The following RIGI variants were observed in gnomAD, a reference collection of about 807,000 sequenced individuals.
The protein encoded by RIGI is RNA sensor RIG-I.
At chr9:32,504,952 ATAT>A in the RIGI span, among the ~76,000 whole-genome samples, 3 of 50,072 alleles carry the variant, frequency 6.0e-5, no homozygotes, top group African/African-American at 1.1e-4. Context: ...TTAAACATAT[ATAT>A]TATATATTTA....
chr9:32,493,515 T>A, the RIGI span, among the ~76,000 whole-genome samples: 6 of 93,002 alleles, frequency 6.5e-5, no homozygotes, highest in Admixed American at 5.6e-4. Context: ...TCCCAGCTAC[T>A]CGAGAGGCGA....
the RIGI span, among the ~76,000 whole-genome samples, chr9:32,507,180 G>A: frequency 6.6e-6 from 1 of 152,092 alleles, no homozygotes; most frequent in African/African-American, 2.4e-5. Context: ...AGGAAACTGA[G>A]GCATACGAGA....
At chr9:32,476,391 G>A in the RIGI span, among the ~76,000 whole-genome samples, 1 of 152,054 alleles carries the variant, frequency 6.6e-6, no homozygotes, top group South Asian at 2.1e-4. Context: ...CCCACGCATG[G>A]TGGCAGAGGG....
At chr9:32,492,423 T>C in the RIGI span, 47 of 1,614,188 alleles carry the variant, frequency 2.9e-5, no homozygotes, top group Admixed American at 8.3e-5. Flanking sequence ...ACTGAACTTG[T>C]TCCTTTCTTT....
chr9:32,487,802 T>A, the RIGI span: 3 of 1,276,266 alleles, frequency 2.4e-6, no homozygotes, highest in South Asian at 4.4e-5. Context: ...AACAAATGAA[T>A]AAAGGAAACA....
the RIGI span, among the ~76,000 whole-genome samples, chr9:32,498,152 C>T: frequency 6.6e-6 from 1 of 152,216 alleles, no homozygotes; most frequent in African/African-American, 2.4e-5. Context: ...AGACCACCAA[C>T]CACAGAGTGG....
the RIGI span, among the ~76,000 whole-genome samples, chr9:32,461,410 C>T: frequency 3.3e-5 from 5 of 152,184 alleles, no homozygotes; most frequent in African/African-American, 1.2e-4. Flanking sequence ...CTGTCCGTCC[C>T]ACTGGTTTAT....
the RIGI span, chr9:32,477,213 C>CAT: frequency 1.3e-6 from 2 of 1,498,160 alleles, no homozygotes; most frequent in Non-Finnish European, 1.8e-6. Context: ...ATCGTTCAAA[C>CAT]AGCTGATCTC....
At chr9:32,504,353 C>T in the RIGI span, among the ~76,000 whole-genome samples, 140 of 152,198 alleles carry the variant, frequency 9.2e-4, no homozygotes, top group African/African-American at 3.3e-3. Context: ...ATTAGTGTCT[C>T]TGGTCCCTGA....
the RIGI span, chr9:32,488,951 T>A: frequency 6.6e-5 from 93 of 1,408,696 alleles, no homozygotes; most frequent in Non-Finnish European, 8.6e-5. Flanking sequence ...TCTGGAAAGG[T>A]GTTTATTTTT....
the RIGI span, among the ~76,000 whole-genome samples, chr9:32,502,324 C>A: frequency 2.6e-5 from 4 of 152,304 alleles, no homozygotes; most frequent in East Asian, 5.8e-4. Flanking sequence ...CATTCATGAG[C>A]AATTTTATGT....
chr9:32,465,717 C>T, the RIGI span, among the ~76,000 whole-genome samples: 1 of 152,174 alleles, frequency 6.6e-6, no homozygotes, highest in South Asian at 2.1e-4. Context: ...CTGCAGTGAT[C>T]ATGCTTCCAG....
the RIGI span, among the ~76,000 whole-genome samples, chr9:32,493,422 G>C: frequency 3.3e-5 from 5 of 152,106 alleles, no homozygotes; most frequent in African/African-American, 1.2e-4. Flanking sequence ...TCAGGAGTTC[G>C]AGACCAGCCT....
chr9:32,482,546 T>C, the RIGI span, among the ~76,000 whole-genome samples: 1 of 152,042 alleles, frequency 6.6e-6, no homozygotes, highest in Non-Finnish European at 1.5e-5. Flanking sequence ...CTCAAGAGCT[T>C]CATCAGAGGA....
At chr9:32,498,742 G>A in the RIGI span, among the ~76,000 whole-genome samples, 1 of 152,052 alleles carries the variant, frequency 6.6e-6, no homozygotes, top group Non-Finnish European at 1.5e-5. Context: ...CAACACTTTG[G>A]GAGGCTGAGG....
At chr9:32,480,453 ACTTTT>A in the RIGI span, 1 of 1,237,674 alleles carries the variant, frequency 8.1e-7, no homozygotes, top group Non-Finnish European at 1.1e-6. Flanking sequence ...TTTTAAGAAA[ACTTTT>A]CTTTTCAAAT....
the RIGI span, chr9:32,492,553 T>C: frequency 1.2e-6 from 2 of 1,613,502 alleles, no homozygotes; most frequent in East Asian, 4.5e-5. Flanking sequence ...GCAAGGTAAC[T>C]GTAGTTTATT....
chr9:32,506,720 C>T, the RIGI span, among the ~76,000 whole-genome samples: 3 of 152,080 alleles, frequency 2.0e-5, no homozygotes, highest in Non-Finnish European at 4.4e-5. Flanking sequence ...GTATCTATTG[C>T]AACAAGACTG....
At chr9:32,497,848 T>C in the RIGI span, among the ~76,000 whole-genome samples, 4 of 148,066 alleles carry the variant, frequency 2.7e-5, no homozygotes, top group Non-Finnish European at 5.9e-5. Flanking sequence ...ACCTTGTCTT[T>C]CTTTTTCTTG....
Sources: allele counts gnomAD v4.1 joint callset (sites outside exome capture counted in the v4.1 genomes callset), GRCh38; gene constraint gnomAD v4.1.1; transcripts MANE v1.5; gene names NCBI Gene and HGNC (gene_info 2026-07-23, HGNC 2026-07-21).